The following RABGAP1L variants were observed in gnomAD, a reference collection of about 807,000 sequenced individuals.
RABGAP1L encodes RAB GTPase activating protein 1 like.
In RABGAP1L, 63 loss-of-function variants were observed where a neutral mutation model predicts 137.7. The observed-to-expected ratio is 0.46, with a 90% CI of 0.37 to 0.56. The LOEUF (loss-of-function observed/expected upper bound fraction) is 0.56, where lower values mean the gene tolerates loss of function less well. Among genes scored for constraint, RABGAP1L ranks in the 20% least tolerant of loss-of-function variants. The pLI is 0.00. For synonymous variants in RABGAP1L, 431 were observed against 433.7 expected (o/e 0.99, Z 0.08); for missense variants, 1,095 against 1,244.0 (o/e 0.88, Z 1.80).
At chr1:174,877,874 A>G (rs1653406407) in intron 19 of RABGAP1L, among the ~76,000 whole-genome samples, 1 of 152,130 alleles carries the variant, frequency 6.6e-6, no homozygotes, top group African/African-American at 2.4e-5. Context: ...ATATGTATAT[A>G]ATTATCAGGT....
intron 13 of RABGAP1L, among the ~76,000 whole-genome samples, chr1:174,500,692 A>G (rs1318823656): frequency 6.6e-6 from 1 of 152,176 alleles, no homozygotes; most frequent in African/African-American, 2.4e-5. Flanking sequence ...TAACTCCCAT[A>G]CACTCATTTA....
chr1:174,857,615 C>G (rs1464650991), intron 19 of RABGAP1L, among the ~76,000 whole-genome samples: 1 of 152,038 alleles, frequency 6.6e-6, no homozygotes, highest in African/African-American at 2.4e-5. Context: ...TATAACCCTC[C>G]TATCTCTGAA....
intron 13 of RABGAP1L, among the ~76,000 whole-genome samples, chr1:174,418,322 A>T (rs1039370529): frequency 6.6e-6 from 1 of 152,230 alleles, no homozygotes; most frequent in Non-Finnish European, 1.5e-5. Flanking sequence ...TATGGAACTC[A>T]ATGTAGAATG....
intron 13 of RABGAP1L, among the ~76,000 whole-genome samples, chr1:174,587,448 A>G (rs1338294463): frequency 1.0e-5 from 1 of 99,826 alleles, no homozygotes; most frequent in African/African-American, 7.9e-5. Flanking sequence ...TATAATAATA[A>G]TAAATAAAAT....
At chr1:174,534,132 CTGTGTGTGTGTGTGTGTGTGTGTGTGTG>C (rs35255973) in intron 13 of RABGAP1L, among the ~76,000 whole-genome samples, 50 of 132,540 alleles carry the variant, frequency 3.8e-4, no homozygotes, top group African/African-American at 1.3e-3. Flanking sequence ...GAGGTCAACT[CTGTGTGTGTGTGTGTGTGTGTGTGTGTG>C]TGTGTGTGTG....
chr1:174,811,400 T>C (rs1689859453), intron 18 of RABGAP1L, among the ~76,000 whole-genome samples: 1 of 152,210 alleles, frequency 6.6e-6, no homozygotes. Context: ...GTGTAACTGA[T>C]GTATTTTGGT....
intron 13 of RABGAP1L, among the ~76,000 whole-genome samples, chr1:174,453,614 G>A (rs569477145): frequency 3.9e-5 from 6 of 152,252 alleles, no homozygotes; most frequent in Admixed American, 1.3e-4. Flanking sequence ...ACTCTGACGT[G>A]TAGGTTCCAA....
At chr1:174,188,908 C>G (rs1667006250) in intron 1 of RABGAP1L, among the ~76,000 whole-genome samples, 1 of 152,176 alleles carries the variant, frequency 6.6e-6, no homozygotes, top group African/African-American at 2.4e-5. Context: ...AACTTAAAGT[C>G]ACCAGTTGTG....
intron 17 of RABGAP1L, among the ~76,000 whole-genome samples, chr1:174,713,208 C>T (rs1680721513): frequency 6.6e-6 from 1 of 152,226 alleles, no homozygotes; most frequent in Admixed American, 6.5e-5. Flanking sequence ...CTCTTCCTGA[C>T]TACATCTTCT....
At chr1:174,392,994 A>G (rs1042702489) in intron 12 of RABGAP1L, among the ~76,000 whole-genome samples, 8 of 152,232 alleles carry the variant, frequency 5.3e-5, no homozygotes, top group Admixed American at 3.9e-4. Flanking sequence ...CACCAGGAAA[A>G]AGATGACAAA....
At chr1:174,878,426 A>G (rs1419967410) in intron 19 of RABGAP1L, among the ~76,000 whole-genome samples, 1 of 152,040 alleles carries the variant, frequency 6.6e-6, no homozygotes, top group Non-Finnish European at 1.5e-5. Context: ...GGGTTTCTCC[A>G]TGTTGGTCAG....
intron 1 of RABGAP1L, among the ~76,000 whole-genome samples, chr1:174,192,542 G>A (rs1016573946): frequency 2.6e-5 from 4 of 151,954 alleles, no homozygotes; most frequent in South Asian, 2.1e-4. Flanking sequence ...GACTGGTCTC[G>A]AACTTCCAAC....
intron 13 of RABGAP1L, among the ~76,000 whole-genome samples, chr1:174,515,970 G>A (rs1431825674): frequency 2.0e-5 from 3 of 152,050 alleles, no homozygotes; most frequent in Non-Finnish European, 4.4e-5. Context: ...ATCAAAATAG[G>A]AGCCAAGCTT....
At chr1:174,820,120 C>A (rs545081274) in intron 19 of RABGAP1L, among the ~76,000 whole-genome samples, 1 of 152,226 alleles carries the variant, frequency 6.6e-6, no homozygotes, top group South Asian at 2.1e-4. Flanking sequence ...ACTATGAGTT[C>A]ATAGTGGCAA....
chr1:174,629,889 A>T (rs1572595830), intron 13 of RABGAP1L, among the ~76,000 whole-genome samples: 1 of 152,154 alleles, frequency 6.6e-6, no homozygotes, highest in African/African-American at 2.4e-5. Context: ...TTATTTCTTA[A>T]ATATGGAAGG....
intron 13 of RABGAP1L, among the ~76,000 whole-genome samples, chr1:174,438,724 C>A (rs60409344): frequency 0.35 from 42,107 of 121,156 alleles, 8,510 homozygotes; most frequent in African/African-American, 0.6. Flanking sequence ...TCAAAAAAAA[C>A]CCAAAAAAAG....
chr1:174,421,090 A>G (rs939507807), intron 13 of RABGAP1L, among the ~76,000 whole-genome samples: 7 of 152,166 alleles, frequency 4.6e-5, no homozygotes, highest in Admixed American at 3.3e-4. Flanking sequence ...AATGATGTGA[A>G]TGTGTTTCTA....
At chr1:174,228,941 A>G (rs1398240285) in intron 3 of RABGAP1L, among the ~76,000 whole-genome samples, 1 of 152,084 alleles carries the variant, frequency 6.6e-6, no homozygotes, top group South Asian at 2.1e-4. Flanking sequence ...ATGTTATACT[A>G]CCTGATACAC....
intron 14 of RABGAP1L, among the ~76,000 whole-genome samples, chr1:174,650,747 A>G (rs1293841020): frequency 1.3e-5 from 2 of 149,978 alleles, no homozygotes; most frequent in African/African-American, 5.0e-5. Context: ...TAGTCTTGCT[A>G]GCGGTCTATC....
Sources: allele counts gnomAD v4.1 joint callset (sites outside exome capture counted in the v4.1 genomes callset), GRCh38; gene constraint gnomAD v4.1.1; transcripts MANE v1.5; gene names NCBI Gene and HGNC (gene_info 2026-07-23, HGNC 2026-07-21).